Variants in CTNNA2 observed in about 807,000 individuals in gnomAD.
The protein encoded by CTNNA2 is catenin alpha-2.
A neutral mutation model predicts 101.0 loss-of-function variants in CTNNA2; 42 were observed. That is an observed-to-expected ratio of 0.42 (90% confidence interval 0.32 to 0.54). CTNNA2 has a LOEUF of 0.54. CTNNA2 is among the 20% of genes least tolerant of loss of function. The pLI is 0.14. For synonymous variants in CTNNA2, 450 were observed against 456.4 expected (o/e 0.99, Z 0.18); for missense variants, 871 against 1,223.1 (o/e 0.71, Z 4.29).
chr2:79,678,599 TG>T (rs1683350464), intron 2 of CTNNA2, among the ~76,000 whole-genome samples: 1 of 151,810 alleles, frequency 6.6e-6, no homozygotes, highest in East Asian at 1.9e-4. Flanking sequence ...TTGACCCCAG[TG>T]GTAGGCTGTG....
intron 7 of CTNNA2, among the ~76,000 whole-genome samples, chr2:79,966,824 A>T (rs1317982794): frequency 6.6e-6 from 1 of 151,574 alleles, no homozygotes; most frequent in African/African-American, 2.4e-5. Flanking sequence ...TTATTCTATT[A>T]TTTCCTTCCT....
chr2:80,392,121 G>C (rs766042724), intron 7 of CTNNA2, among the ~76,000 whole-genome samples: 1 of 152,162 alleles, frequency 6.6e-6, no homozygotes, highest in African/African-American at 2.4e-5. Context: ...CACGGAAAGA[G>C]AACATTTAGA....
chr2:80,495,250 T>A (rs1687358433), intron 9 of CTNNA2, among the ~76,000 whole-genome samples: 1 of 152,346 alleles, frequency 6.6e-6, no homozygotes, highest in South Asian at 2.1e-4. Flanking sequence ...CAAGTTCCTA[T>A]TAATACAAAC....
At chr2:79,797,230 G>A (rs1247488266) in intron 3 of CTNNA2, among the ~76,000 whole-genome samples, 1 of 152,144 alleles carries the variant, frequency 6.6e-6, no homozygotes, top group Admixed American at 6.5e-5. Flanking sequence ...AAAGTCAGGT[G>A]GAAGGTGGGT....
At chr2:79,410,618 A>G (rs573643734) in intron 4 of CTNNA2, among the ~76,000 whole-genome samples, 2 of 151,966 alleles carry the variant, frequency 1.3e-5, no homozygotes, top group South Asian at 4.2e-4. Flanking sequence ...ATTTGTGTAT[A>G]TTGAACCAGC....
chr2:79,327,638 C>A (rs1676776618), intron 3 of CTNNA2, among the ~76,000 whole-genome samples: 1 of 152,162 alleles, frequency 6.6e-6, no homozygotes, highest in Non-Finnish European at 1.5e-5. Context: ...CAGGCACCAA[C>A]AGATAATGCT....
At chr2:79,882,526 A>G (rs1574218939) in intron 6 of CTNNA2, among the ~76,000 whole-genome samples, 2 of 152,230 alleles carry the variant, frequency 1.3e-5, no homozygotes, top group South Asian at 4.1e-4. Context: ...GCTATGGGGA[A>G]CAAGTCTTGG....
chr2:79,204,797 G>A (rs990309921), intron 2 of CTNNA2, among the ~76,000 whole-genome samples: 11 of 152,152 alleles, frequency 7.2e-5, no homozygotes, highest in Non-Finnish European at 1.0e-4. Flanking sequence ...GAAATGCTAC[G>A]TTCTCACATG....
At chr2:79,658,358 A>G (rs2104512691) in intron 2 of CTNNA2, among the ~76,000 whole-genome samples, 1 of 152,118 alleles carries the variant, frequency 6.6e-6, no homozygotes, top group South Asian at 2.1e-4. Context: ...GTTTAAAGGG[A>G]CTAGAAATGC....
chr2:79,517,257 T>G (rs2103853124), intron 1 of CTNNA2, among the ~76,000 whole-genome samples: 1 of 152,332 alleles, frequency 6.6e-6, no homozygotes, highest in Non-Finnish European at 1.5e-5. Context: ...TGAATTCTTT[T>G]ATTCAAAAAT....
At chr2:79,917,741 G>A (rs765108774) in intron 7 of CTNNA2, among the ~76,000 whole-genome samples, 1 of 152,186 alleles carries the variant, frequency 6.6e-6, no homozygotes, top group Non-Finnish European at 1.5e-5. Flanking sequence ...TGCTGACCCA[G>A]GCACAGGTGG....
At chr2:79,722,225 A>C (rs1191821341) in intron 2 of CTNNA2, among the ~76,000 whole-genome samples, 1 of 152,186 alleles carries the variant, frequency 6.6e-6, no homozygotes, top group East Asian at 1.9e-4. Context: ...CATCATCAAT[A>C]AGCAGGCAGA....
chr2:80,129,406 G>T (rs1416497654), intron 7 of CTNNA2, among the ~76,000 whole-genome samples: 1 of 152,146 alleles, frequency 6.6e-6, no homozygotes. Context: ...ACAGCAGGTT[G>T]TCTTGCAGGG....
intron 7 of CTNNA2, among the ~76,000 whole-genome samples, chr2:80,245,194 A>G (rs1671227828): frequency 2.0e-5 from 3 of 152,246 alleles, no homozygotes; most frequent in Admixed American, 2.0e-4. Context: ...TAACCTGCAC[A>G]GGCTGCAGTG....
intron 15 of CTNNA2, among the ~76,000 whole-genome samples, chr2:80,598,469 A>G (rs1697181682): frequency 6.6e-6 from 1 of 152,200 alleles, no homozygotes; most frequent in African/African-American, 2.4e-5. Context: ...GTATAAAAAA[A>G]AAAAGAATCT....
chr2:79,331,861 G>A (rs963355589), intron 3 of CTNNA2, among the ~76,000 whole-genome samples: 7 of 152,140 alleles, frequency 4.6e-5, no homozygotes, highest in Admixed American at 2.0e-4. Context: ...TTATTGATTC[G>A]AGAACAAAAT....
chr2:79,729,368 G>A (rs1687063582), intron 2 of CTNNA2, among the ~76,000 whole-genome samples: 1 of 152,174 alleles, frequency 6.6e-6, no homozygotes, highest in Non-Finnish European at 1.5e-5. Context: ...TTTTCAGAAT[G>A]GGAAGCTGAG....
chr2:80,543,635 A>G (rs1309712980), intron 9 of CTNNA2, among the ~76,000 whole-genome samples: 1 of 152,208 alleles, frequency 6.6e-6, no homozygotes, highest in Non-Finnish European at 1.5e-5. Context: ...GCAGCAATCT[A>G]AAATGTGAAG....
At chr2:79,208,276 G>A (rs1217774794) in intron 2 of CTNNA2, among the ~76,000 whole-genome samples, 5 of 152,164 alleles carry the variant, frequency 3.3e-5, no homozygotes, top group Non-Finnish European at 7.3e-5. Context: ...TCTGCAATGG[G>A]TGCAAATGAG....
Sources: allele counts gnomAD v4.1 joint callset (sites outside exome capture counted in the v4.1 genomes callset), GRCh38; gene constraint gnomAD v4.1.1; transcripts MANE v1.5; gene names NCBI Gene and HGNC (gene_info 2026-07-23, HGNC 2026-07-21).